Variants in MGAM observed in about 807,000 individuals in gnomAD.
MGAM encodes the protein alpha-1,4-glucosidase.
Under a neutral mutation model 358.8 loss-of-function variants are expected in MGAM, and 253 were observed. The observed-to-expected ratio is 0.71, with a 90% CI of 0.64 to 0.78. The LOEUF (loss-of-function observed/expected upper bound fraction) is 0.78. Among genes scored for constraint, MGAM ranks in the 30% least tolerant of loss-of-function variants. The pLI is 0.00. For synonymous variants in MGAM, 1,105 were observed against 1,227.1 expected, an observed-to-expected ratio of 0.90 and a Z score of 2.08; for missense variants, 3,080 against 3,432.6, an observed-to-expected ratio of 0.90 and a Z score of 2.57.
intron 58 of MGAM, 114 bp downstream of exon 58, chr7:142,092,161 G>T: frequency 7.4e-7 from 1 of 1,356,166 alleles, no homozygotes; most frequent in African/African-American, 1.4e-5. Context: ...GGAAGACTTT[G>T]GACATATCAG....
chr7:142,061,927 G>A (rs1812241055), intron 34 of MGAM, among the ~76,000 whole-genome samples: 1 of 152,110 alleles, frequency 6.6e-6, no homozygotes, highest in Non-Finnish European at 1.5e-5. Flanking sequence ...TTAAAAAGTT[G>A]TATCTTGAAT....
chr7:142,056,046 A>T lies in MGAM; in HGVS notation c.3530A>T (p.Glu1177Val). The change falls in exon 29 of 71, where the codon GAG (glutamate) becomes GTG (valine). Residue 1177 changes from glutamate to valine, a missense_variant. By Grantham distance (121) the Glu-to-Val change is moderately radical. Coordinates refer to ENST00000475668, the MANE Select transcript of MGAM (RefSeq NM_001365693.1). ...YGVHPYYMGL[E>V]EDGSAHGVLL... ...GTCCACCCCTACTACATGGGGCTGG[A>T]GGAGGACGGCAGTGCCCATGGAGTG... The T allele has an allele frequency of 2.5e-6, 4 of 1,611,940 alleles. No individual in the cohort carries two copies. Among genetic ancestry groups the T allele is most frequent in the Non-Finnish European group, 2.5e-6 (3 of 1,179,164 alleles).
intron 26 of MGAM, 91 bp downstream of exon 26, chr7:142,053,075 T>TA: frequency 7.3e-7 from 1 of 1,364,696 alleles, no homozygotes; most frequent in Non-Finnish European, 1.0e-6. Context: ...TAAAATAAGT[T>TA]AATCATGCTA....
At position 142,078,927 on chromosome 7, in the gene MGAM, T is replaced by C. The variant is rs759167227; in HGVS notation, c.5766T>C (p.His1922=). ...TADISLKSSV[H]ANAFPSTPVN... is the part of the protein sequence containing the mutation. ...ACATCTCCTTAAAGTCTTCTGTTCA[T>C]GCCAATGCCTTCCCTTCCACACCCG... The change falls in exon 49 of 71, where the codon CAT becomes CAC. Residue 1922 remains histidine (H), a synonymous_variant. Transcript: ENST00000475668. The C allele has an allele frequency of 6.4e-7, 1 of 1,555,868 alleles. No homozygotes were observed. The highest frequency in any genetic ancestry group is 1.3e-5 in the African/African-American group (1 of 74,498).
chr7:142,095,271 G>C (rs1413487670), intron 63 of MGAM, among the ~76,000 whole-genome samples: 1 of 152,228 alleles, frequency 6.6e-6, no homozygotes, highest in Non-Finnish European at 1.5e-5. Flanking sequence ...ATGGGTCTCA[G>C]TGAGCCATAT....
intron 37 of MGAM, 66 bp from the exon 38 acceptor site, chr7:142,065,269 C>A (rs890586246): frequency 1.3e-6 from 2 of 1,564,658 alleles, no homozygotes; most frequent in South Asian, 1.2e-5. Flanking sequence ...GCTCTGGGAG[C>A]AGAAGCTCTA....
At chr7:142,050,602 G>C in intron 23 of MGAM, 95 bp from the exon 24 acceptor site, 3 of 1,269,922 alleles carry the variant, frequency 2.4e-6, no homozygotes, top group Non-Finnish European at 3.3e-6. Flanking sequence ...TATGGCAGTG[G>C]GGGGTATCCG....
intron 1 of MGAM, among the ~76,000 whole-genome samples, chr7:141,999,456 T>A (rs1554449997): frequency 6.6e-6 from 1 of 152,170 alleles, no homozygotes; most frequent in African/African-American, 2.4e-5. Flanking sequence ...GTGTTCAAAT[T>A]GTGGCTTTGC....
At position 142,074,127 on chromosome 7, in the gene MGAM, C is replaced by A. The variant is rs750589018; in HGVS notation, c.5229C>A (p.Asn1743Lys). 4 of 1,545,798 alleles carry A rather than the reference C, an allele frequency of 2.6e-6. 1 individual carries two copies. The South Asian group carries it at 4.5e-5, about 17-fold the overall frequency. ...GTCTTATTATTGCCCTAGATGAAAACAAAGAAGCAAAAGGAGAACTTTTCT... is the reference window on the plus strand; with the variant it reads ...GTCTTATTATTGCCCTAGATGAAAAAAAAGAAGCAAAAGGAGAACTTTTCT... ...PLGLIIALDE[N>K]KEAKGELFWD... The change falls in exon 45 of 71, where the codon AAC becomes AAA. Residue 1743 changes from asparagine to lysine, a missense_variant. This residue lies in a region of MGAM where 932 missense variants were observed against 1,198.2 expected (regional missense o/e 0.78). Coordinates refer to ENST00000475668, the MANE Select transcript of MGAM (RefSeq NM_001365693.1).
Position 142,071,107 on chromosome 7 carries a change from C to T in MGAM, c.5175C>T (p.Asn1725=). The T allele has an allele frequency of 6.4e-7, 1 of 1,555,200 alleles. No individual in the cohort carries two copies. The highest frequency in any genetic ancestry group is 1.3e-5 in the African/African-American group (1 of 74,730). ...YILPWQEPAL[N]THLSRKNPLG... The stretch of plus-strand genomic sequence containing the variant: ...TGCCCTGGCAAGAGCCTGCACTGAA[C>T]ACCCACTTAAGGTGAATGACAGGAC... Residue 1725 remains asparagine (N), a synonymous_variant, in exon 44 of 71, where the codon AAC becomes AAT. Transcript: ENST00000475668.
chr7:142,075,867 A>G (rs1167802902), intron 45 of MGAM, among the ~76,000 whole-genome samples: 1 of 146,040 alleles, frequency 6.8e-6, no homozygotes, highest in Admixed American at 6.9e-5. Flanking sequence ...TATGGAAAAT[A>G]GAATGGAGGT....
At chr7:142,011,048 A>C (rs1554454216) in intron 3 of MGAM, among the ~76,000 whole-genome samples, 1 of 152,164 alleles carries the variant, frequency 6.6e-6, no homozygotes, top group African/African-American at 2.4e-5. Flanking sequence ...CTGTGTAAAC[A>C]TGGGAGGGCA....
At chr7:142,030,953 T>C (rs1554463462) in intron 12 of MGAM, among the ~76,000 whole-genome samples, 196 bp downstream of exon 12, 1 of 152,016 alleles carries the variant, frequency 6.6e-6, no homozygotes, top group Non-Finnish European at 1.5e-5. Flanking sequence ...TTTGATTCCC[T>C]TCACAGCCAA....
chr7:142,025,990 G>T (rs1806929167), intron 8 of MGAM, among the ~76,000 whole-genome samples: 1 of 152,116 alleles, frequency 6.6e-6, no homozygotes. Context: ...TTAGATAGGT[G>T]AAAGGAACCA....
chr7:142,090,483 A>G (rs1815277790), intron 57 of MGAM, among the ~76,000 whole-genome samples: 1 of 145,778 alleles, frequency 6.9e-6, no homozygotes, highest in African/African-American at 2.4e-5. Context: ...TGGCATGCCC[A>G]CTTCTGTCAA....
At chr7:142,060,039 G>C in intron 33 of MGAM, 73 bp downstream of exon 33, 3 of 1,447,552 alleles carry the variant, frequency 2.1e-6, no homozygotes, top group South Asian at 1.2e-5. Flanking sequence ...ACTGTTAGTG[G>C]GTCACACGCC....
In MGAM at chr7:142,086,083, A is replaced by G. The variant is rs1814726869; in HGVS notation, c.6636+122A>G. 2.1e-6 allele frequency: 3 copies of G among 1,460,866 alleles called. 1 individual carries two copies. The highest frequency in any genetic ancestry group is 1.4e-5 in the African/African-American group (1 of 73,104). 90.5% of individuals were successfully genotyped at this position (1,460,866 alleles called of 1,614,324 possible). A position where few individuals can be genotyped will look rare whatever the true frequency, so the allele number is the denominator to read the frequency against. ...AATTGAAGTGTAGTAAGAAATGTGT[A>G]TTTCCCTGGACTCACAGAAACTCTA... On this transcript the variant is annotated intron_variant, in intron 55 of 70. Coordinates refer to ENST00000475668, the MANE Select transcript of MGAM (RefSeq NM_001365693.1).
intron 7 of MGAM, among the ~76,000 whole-genome samples, chr7:142,023,051 C>A (rs1554459589): frequency 6.6e-6 from 1 of 151,972 alleles, no homozygotes; most frequent in African/African-American, 2.4e-5. Flanking sequence ...CAGGGCCTTT[C>A]TTTTTCTTTT....
intron 70 of MGAM, among the ~76,000 whole-genome samples, chr7:142,104,593 T>G (rs1453968971): frequency 6.6e-6 from 1 of 152,208 alleles, no homozygotes; most frequent in East Asian, 1.9e-4. Context: ...TTCTTGATCT[T>G]ACTAAATATT....
Sources: allele counts gnomAD v4.1 joint callset (sites outside exome capture counted in the v4.1 genomes callset), GRCh38; gene constraint gnomAD v4.1.1; regional missense constraint gnomAD v4.1.1; transcripts MANE v1.5; gene names NCBI Gene and HGNC (gene_info 2026-07-23, HGNC 2026-07-21).